ZSCAN5A: variants seen among roughly 807,000 people sequenced by gnomAD.
ZSCAN5A encodes zinc finger and SCAN domain-containing protein 5A.
Under a neutral mutation model 23.7 loss-of-function variants are expected in ZSCAN5A, and 12 were observed. The observed-to-expected ratio is 0.51, with a 90% CI of 0.32 to 0.82. ZSCAN5A has a LOEUF of 0.82. Among genes scored for constraint, ZSCAN5A ranks in the 40% least tolerant of loss-of-function variants. The probability of loss-of-function intolerance (pLI) is 0.03; values close to 1 mark genes in which losing one functional copy is unlikely to be tolerated. For missense variants in ZSCAN5A, 597 were observed against 617.9 expected (o/e 0.97, Z 0.36); for synonymous variants, 257 against 239.9 (o/e 1.07, Z -0.66).
rs369537611 is a variant in ZSCAN5A at position 56,292,508 on chromosome 19, C to T, written c.-128+20775G>A. 1.1e-4 allele frequency among the ~76,000 whole-genome samples: 15 copies of T among 138,956 alleles called. No individual in the cohort carries two copies. The East Asian group carries it at 2.7e-3, about 25-fold the overall frequency. The allele number at this position is 138,956 out of a possible 152,430, so 91.2% of individuals were successfully genotyped here. On this transcript the variant is annotated intron_variant, in intron 2 of 5. Coordinates refer to ENST00000683990, the MANE Select transcript of ZSCAN5A (RefSeq NM_001322064.3). Reference sequence around the variant, plus strand: ...TTGCTTTGTTGCCAAGGCTGGTCTTCAATTCCGGGGCTCAAGCAATCCTCC... The same window carrying T: ...TTGCTTTGTTGCCAAGGCTGGTCTTTAATTCCGGGGCTCAAGCAATCCTCC...
chr19:56,258,593 G>A (rs1340677491), intron 2 of ZSCAN5A, among the ~76,000 whole-genome samples: 4 of 148,630 alleles, frequency 2.7e-5, no homozygotes, highest in African/African-American at 1.0e-4. Flanking sequence ...TGACAGACAC[G>A]CCTTCCAGTG....
rs527542556 is a variant in ZSCAN5A at position 56,339,332 on chromosome 19, G to A, written c.-357-23064C>T. Among the ~76,000 whole-genome samples the A allele has an allele frequency of 4.9e-4, 74 of 151,258 alleles. 2 individuals carry two copies. The highest frequency in any genetic ancestry group is 1.5e-3 in the African/African-American group (61 of 41,070). On this transcript the variant is annotated intron_variant, in intron 2 of 6. Transcript: ENST00000587340. ...CGCATTTAGCAATATGTGAAGGAGC[G>A]GCTGTAGCCGCATTTAGCAATATGT...
chr19:56,230,320 G>A (rs1028018751), intron 2 of ZSCAN5A, among the ~76,000 whole-genome samples: 1 of 152,004 alleles, frequency 6.6e-6, no homozygotes, highest in African/African-American at 2.4e-5. Context: ...TCCTGACCTC[G>A]TGATCCACCC....
intron 2 of ZSCAN5A, among the ~76,000 whole-genome samples, chr19:56,339,274 AT>A (rs1356862667): frequency 1.4e-5 from 2 of 147,020 alleles, no homozygotes; most frequent in Non-Finnish European, 3.0e-5. Context: ...AGCTGTAGCC[AT>A]ATTTAGCAAT....
intron 2 of ZSCAN5A, among the ~76,000 whole-genome samples, chr19:56,339,970 ATCTGTTCCTGGGGATTG>A (rs2041578466): frequency 6.6e-6 from 1 of 152,204 alleles, no homozygotes; most frequent in Non-Finnish European, 1.5e-5. Flanking sequence ...GACCCTTCCA[ATCTGTTCCTGGGGATTG>A]TCTGATACTA....
chr19:56,237,113 C>T (rs894366795), intron 2 of ZSCAN5A, among the ~76,000 whole-genome samples: 4 of 152,228 alleles, frequency 2.6e-5, no homozygotes, highest in Non-Finnish European at 4.4e-5. Context: ...GCTGGAGCCC[C>T]GCTCCCAGTC....
Position 56,221,511 on chromosome 19 carries a change from T to C in ZSCAN5A, c.*64A>G. 2.0e-6 allele frequency: 3 copies of C among 1,520,026 alleles called. No homozygotes were observed. The highest frequency in any genetic ancestry group is 2.6e-6 in the Non-Finnish European group (3 of 1,134,502). 94.2% of individuals were successfully genotyped at this position (1,520,026 alleles called of 1,614,324 possible). A position where few individuals can be genotyped will look rare whatever the true frequency, so the allele number is the denominator to read the frequency against. Reference sequence around the variant, plus strand: ...CTTGCATGTGTCAAATGTCATCTGATAACATTGATGAAAAATATCATTCAC... The same window carrying C: ...CTTGCATGTGTCAAATGTCATCTGACAACATTGATGAAAAATATCATTCAC... On this transcript the variant is annotated 3_prime_UTR_variant, in exon 6 of 6. Coordinates refer to ENST00000683990, the MANE Select transcript of ZSCAN5A (RefSeq NM_001322064.3).
Position 56,267,765 on chromosome 19 carries a change from G to A in ZSCAN5A, c.-127-42592C>T, listed in dbSNP as rs185328700. Among the ~76,000 whole-genome samples the A allele has an allele frequency of 1.1e-3, 167 of 152,290 alleles. 3 individuals are homozygous for A. Among genetic ancestry groups the A allele is most frequent in the Non-Finnish European group, 3.4e-4 (23 of 68,024 alleles). ...TCACTTTTTTCATCTATAAAATGAC[G>A]CTAATAACAGTTCCCATCTCATAGT... On this transcript the variant is annotated intron_variant, in intron 2 of 5. Coordinates refer to ENST00000683990, the MANE Select transcript of ZSCAN5A (RefSeq NM_001322064.3).
chr19:56,254,449 A>G (rs1289671746), intron 2 of ZSCAN5A, among the ~76,000 whole-genome samples: 1 of 152,126 alleles, frequency 6.6e-6, no homozygotes, highest in Non-Finnish European at 1.5e-5. Flanking sequence ...CTCCCTTTGG[A>G]AAGGGGAATA....
intron 2 of ZSCAN5A, among the ~76,000 whole-genome samples, chr19:56,298,392 T>C (rs377364578): frequency 6.6e-6 from 1 of 152,088 alleles, no homozygotes; most frequent in African/African-American, 2.4e-5. Context: ...AATCCCAGCA[T>C]TCTGGGAGGC....
chr19:56,365,639 G>A (rs2041759382), intron 1 of ZSCAN5A: 1 of 152,182 alleles, frequency 6.6e-6, no homozygotes, highest in African/African-American at 2.4e-5. Flanking sequence ...TCTTAGATCT[G>A]TCAAATAAGT....
intron 2 of ZSCAN5A, among the ~76,000 whole-genome samples, chr19:56,344,916 A>G (rs1346613999): frequency 7.5e-6 from 1 of 133,382 alleles, no homozygotes; most frequent in Admixed American, 7.2e-5. Context: ...TCTCAAAAAA[A>G]AAAAAAAAAA....
At position 56,224,096 on chromosome 19, in the gene ZSCAN5A, GAAGAC is replaced by G. The variant is rs370971473; in HGVS notation, c.385-267_385-263del. 2.8e-3 allele frequency among the ~76,000 whole-genome samples: 419 copies of G among 151,822 alleles called. 22 individuals are homozygous for G. The highest frequency in any genetic ancestry group is 9.8e-3 in the African/African-American group (401 of 41,110). ...GATGAAATAGTCTCTAAACCAAAGA[GAAGAC>G]AAGGAGAAATATTCTGGGTGAATCC... On this transcript the variant is annotated intron_variant, in intron 3 of 5. Coordinates refer to ENST00000683990, the MANE Select transcript of ZSCAN5A (RefSeq NM_001322064.3).
rs183758033 is a variant in ZSCAN5A, at chr19:56,253,730, A to C, written c.-127-28557T>G. On this transcript the variant is annotated intron_variant, in intron 2 of 5. Coordinates refer to ENST00000683990, the MANE Select transcript of ZSCAN5A (RefSeq NM_001322064.3). ...CACTAAATACATTTTTTTTTCTTACAATAAGAAGTTGAAGATCTGAGTGGA... is the reference window on the plus strand; with the variant it reads ...CACTAAATACATTTTTTTTTCTTACCATAAGAAGTTGAAGATCTGAGTGGA... 5.7e-4 allele frequency among the ~76,000 whole-genome samples: 87 copies of C among 152,190 alleles called. 1 individual carries two copies. The highest frequency in any genetic ancestry group is 2.0e-3 in the African/African-American group (83 of 41,530).
intron 2 of ZSCAN5A, chr19:56,244,107 C>T (rs974312834): frequency 9.3e-5 from 140 of 1,499,676 alleles, no homozygotes; most frequent in Middle Eastern, 6.8e-4. Context: ...GAGTCAGAGC[C>T]GCCACAGTCT....
At chr19:56,280,913 C>T (rs1186794638) in intron 2 of ZSCAN5A, among the ~76,000 whole-genome samples, 1 of 152,144 alleles carries the variant, frequency 6.6e-6, no homozygotes, top group Admixed American at 6.5e-5. Flanking sequence ...AACACATACA[C>T]ATTTGACCCT....
chr19:56,228,700 T>C (rs936134717), intron 2 of ZSCAN5A, among the ~76,000 whole-genome samples: 3 of 152,104 alleles, frequency 2.0e-5, no homozygotes, highest in African/African-American at 2.4e-5. Flanking sequence ...AATGTCAAGA[T>C]ACTGAAAAAA....
At position 56,302,151 on chromosome 19, in the gene ZSCAN5A, G is replaced by C. The variant is rs78743490; in HGVS notation, c.-128+11132C>G. On this transcript the variant is annotated intron_variant, in intron 2 of 5. Coordinates refer to ENST00000683990, the MANE Select transcript of ZSCAN5A (RefSeq NM_001322064.3). Reference sequence around the variant, plus strand: ...TGTGAGGAGAGGAAGGAAAGAGGAGGGAAGTGGGGGCACAGAGGAAGCGAA... The same window carrying C: ...TGTGAGGAGAGGAAGGAAAGAGGAGCGAAGTGGGGGCACAGAGGAAGCGAA... 3.1e-3 allele frequency: 3,752 copies of C among 1,199,566 alleles called. 78 individuals carry two copies. In the African/African-American group the frequency reaches 0.05, roughly 16 times the overall value. 74.3% of individuals were successfully genotyped at this position (1,199,566 alleles called of 1,614,324 possible). A position where few individuals can be genotyped will look rare whatever the true frequency, so the allele number is the denominator to read the frequency against.
At chr19:56,246,536 A>G (rs2035914401) in intron 2 of ZSCAN5A, 6 of 664,682 alleles carry the variant, frequency 9.0e-6, no homozygotes, top group Non-Finnish European at 1.6e-5. Flanking sequence ...GGGTCCCAGC[A>G]TTATCATGTC....
Sources: gnomAD v4.1 joint callset for allele counts (sites outside exome capture counted in the v4.1 genomes callset) on GRCh38, gnomAD v4.1.1 for gene constraint, MANE v1.5 for transcripts, NCBI Gene and HGNC (gene_info 2026-07-23, HGNC 2026-07-21) for gene names.